XPR1: variants seen among roughly 807,000 people sequenced by gnomAD.
XPR1 encodes the protein solute carrier family 53 member 1.
XPR1 carries 28 observed loss-of-function variants against 87.5 expected under a neutral mutation model. That is an observed-to-expected ratio of 0.32 (90% CI 0.24 to 0.44). XPR1 has a LOEUF of 0.44. XPR1 is among the 20% of genes least tolerant of loss of function. XPR1 has a pLI of 1.00. For missense variants in XPR1, 559 were observed against 862.3 expected, an observed-to-expected ratio of 0.65 and a Z score of 4.41; for synonymous variants, 300 against 306.1, an observed-to-expected ratio of 0.98 and a Z score of 0.21.
At chr1:180,826,505 G>A (rs1650842446) in intron 9 of XPR1, among the ~76,000 whole-genome samples, 1 of 151,738 alleles carries the variant, frequency 6.6e-6, no homozygotes. Context: ...CCATGTTAGT[G>A]CCGCTACACT....
At chr1:180,726,750 TCTCAC>T (rs1658365597) in intron 2 of XPR1, among the ~76,000 whole-genome samples, 1 of 152,204 alleles carries the variant, frequency 6.6e-6, no homozygotes, top group African/African-American at 2.4e-5. Context: ...ATGCCACTCT[TCTCAC>T]CATTTTGGAG....
At chr1:180,758,825 A>C (rs1017885970) in intron 2 of XPR1, 2 of 152,404 alleles carry the variant, frequency 1.3e-5, no homozygotes, top group Non-Finnish European at 2.9e-5. Flanking sequence ...TTTTTTCAGC[A>C]CCACACCCCA....
At chr1:180,726,544 T>G (rs1049628508) in intron 2 of XPR1, among the ~76,000 whole-genome samples, 54 of 152,228 alleles carry the variant, frequency 3.5e-4, no homozygotes, top group African/African-American at 1.2e-3. Context: ...GTTATCAAAG[T>G]GTTATCCATT....
chr1:180,648,214 G>GTA (rs944081654), intron 1 of XPR1, among the ~76,000 whole-genome samples: 1 of 152,118 alleles, frequency 6.6e-6, no homozygotes, highest in African/African-American at 2.4e-5. Flanking sequence ...ATGTATATGT[G>GTA]TATATATATG....
intron 2 of XPR1, among the ~76,000 whole-genome samples, chr1:180,768,077 C>T (rs1648361323): frequency 6.6e-6 from 1 of 152,108 alleles, no homozygotes; most frequent in South Asian, 2.1e-4. Flanking sequence ...ATCTCCTGAC[C>T]TCGTGATCCA....
At chr1:180,648,072 TA>T (rs1190195986) in intron 1 of XPR1, among the ~76,000 whole-genome samples, 1 of 152,188 alleles carries the variant, frequency 6.6e-6, no homozygotes, top group Non-Finnish European at 1.5e-5. Flanking sequence ...AATTTTAGTT[TA>T]CTAAAATTAA....
chr1:180,647,515 CTACTG>C (rs1346801973), intron 1 of XPR1, among the ~76,000 whole-genome samples: 15 of 152,178 alleles, frequency 9.9e-5, no homozygotes, highest in African/African-American at 3.4e-4. Context: ...AGGCACTTGA[CTACTG>C]TAGGTTTTGT....
chr1:180,821,978 T>G (rs1434607803), intron 7 of XPR1, among the ~76,000 whole-genome samples: 2 of 152,208 alleles, frequency 1.3e-5, no homozygotes, highest in African/African-American at 4.8e-5. Context: ...TTGTAATGCA[T>G]CTGTGGTCTT....
At chr1:180,724,791 A>G (rs974348439) in intron 2 of XPR1, among the ~76,000 whole-genome samples, 1 of 152,224 alleles carries the variant, frequency 6.6e-6, no homozygotes, top group African/African-American at 2.4e-5. Flanking sequence ...TTGAGAGGTA[A>G]TATCTGCTTT....
intron 9 of XPR1, among the ~76,000 whole-genome samples, chr1:180,829,214 T>C (rs1217807763): frequency 6.6e-6 from 1 of 151,780 alleles, no homozygotes; most frequent in Non-Finnish European, 1.5e-5. Flanking sequence ...TTATCAGTAT[T>C]AACTTAAAAG....
chr1:180,672,079 G>A (rs1165985959), intron 1 of XPR1, among the ~76,000 whole-genome samples: 1 of 152,062 alleles, frequency 6.6e-6, no homozygotes, highest in Non-Finnish European at 1.5e-5. Context: ...ATACCCACAT[G>A]GAAAGAATAA....
At chr1:180,778,905 T>C (rs1254429420) in intron 2 of XPR1, among the ~76,000 whole-genome samples, 1 of 152,222 alleles carries the variant, frequency 6.6e-6, no homozygotes, top group Non-Finnish European at 1.5e-5. Flanking sequence ...ATATTTTCCA[T>C]GGCACTTAGA....
chr1:180,876,429 A>C (rs1056278707), intron 13 of XPR1, among the ~76,000 whole-genome samples: 1 of 152,188 alleles, frequency 6.6e-6, no homozygotes, highest in Non-Finnish European at 1.5e-5. Flanking sequence ...TGAGGTCAGG[A>C]GTTCAAGACC....
At chr1:180,820,719 C>T (rs968657358) in intron 7 of XPR1, among the ~76,000 whole-genome samples, 5 of 152,198 alleles carry the variant, frequency 3.3e-5, no homozygotes, top group Admixed American at 1.3e-4. Context: ...TCCTTGCCAA[C>T]ACTTGTTTTC....
chr1:180,715,975 G>T (rs1657980645), intron 2 of XPR1, among the ~76,000 whole-genome samples: 1 of 152,112 alleles, frequency 6.6e-6, no homozygotes, highest in African/African-American at 2.4e-5. Flanking sequence ...ACCCGGCTGA[G>T]AAGTTGTTTT....
At chr1:180,759,094 A>G (rs1393177874) in intron 2 of XPR1, among the ~76,000 whole-genome samples, 1 of 152,160 alleles carries the variant, frequency 6.6e-6, no homozygotes, top group Non-Finnish European at 1.5e-5. Context: ...ACATACCAGA[A>G]TCTCTGGGAC....
chr1:180,690,483 A>G (rs182469576), intron 2 of XPR1, among the ~76,000 whole-genome samples: 15 of 152,250 alleles, frequency 9.9e-5, no homozygotes, highest in East Asian at 9.7e-4. Context: ...ATGTATTACT[A>G]TGAACTACAA....
At chr1:180,798,590 C>T (rs1571848490) in intron 3 of XPR1, among the ~76,000 whole-genome samples, 1 of 151,980 alleles carries the variant, frequency 6.6e-6, no homozygotes, top group Non-Finnish European at 1.5e-5. Context: ...CTCAGTAGTT[C>T]TTTTATTAAT....
In XPR1 at chr1:180,884,089, A is replaced by G. The variant is rs376356087; in HGVS notation, c.*23A>G. On this transcript the variant is annotated 3_prime_UTR_variant, in exon 15 of 15. Transcript: ENST00000367590. ...TGAATTTTCTGAAGTCTAGCTTAAC[A>G]TCTTTGGTTTTCCTACTCTACAATC... 1,234 of 1,611,890 alleles carry G rather than the reference A, an allele frequency of 7.7e-4. 1 individual carries two copies. The highest frequency in any genetic ancestry group is 1.0e-3 in the Non-Finnish European group (1,186 of 1,178,406).
Sources: allele counts gnomAD v4.1 joint callset (sites outside exome capture counted in the v4.1 genomes callset), GRCh38; gene constraint gnomAD v4.1.1; transcripts MANE v1.5; gene names NCBI Gene and HGNC (gene_info 2026-07-23, HGNC 2026-07-21).